Variants in CFAP74 observed in about 807,000 individuals in gnomAD.
CFAP74 encodes the protein cilia- and flagella-associated protein 74.
CFAP74 carries 124 observed loss-of-function variants against 188.9 expected under a neutral mutation model. The observed-to-expected ratio is 0.66, with a 90% confidence interval of 0.57 to 0.76. The LOEUF is 0.76. Among genes scored for constraint, CFAP74 ranks in the 30% least tolerant of loss-of-function variants. The probability of loss-of-function intolerance (pLI) is 0.00; values close to 1 mark genes in which losing one functional copy is unlikely to be tolerated. For missense variants in CFAP74, 2,198 were observed against 2,165.2 expected (o/e 1.02, Z -0.30); for synonymous variants, 956 against 916.7 (o/e 1.04, Z -0.77).
At chr1:1,944,857 C>T (rs758062174) in intron 20 of CFAP74, among the ~76,000 whole-genome samples, 37 of 152,108 alleles carry the variant, frequency 2.4e-4, no homozygotes, top group African/African-American at 4.1e-4. Context: ...CCACCCACCT[C>T]GGCCTCCCAA....
intron 9 of CFAP74, 86 bp from the exon 10 acceptor site, chr1:1,970,902 T>TGCAC (rs1655921277): frequency 6.6e-7 from 1 of 1,522,972 alleles, no homozygotes. Flanking sequence ...CACACACAGG[T>TGCAC]TCATACATGC....
At chr1:1,960,151 C>A in intron 14 of CFAP74, 121 bp from the exon 15 acceptor site, 1 of 796,870 alleles carries the variant, frequency 1.3e-6, no homozygotes, top group South Asian at 1.6e-5. Context: ...GGCCTGGCCC[C>A]CTGCCCAGCC....
chr1:1,989,535 T>C (rs1429210826), intron 2 of CFAP74, among the ~76,000 whole-genome samples: 1 of 152,158 alleles, frequency 6.6e-6, no homozygotes, highest in Non-Finnish European at 1.5e-5. Flanking sequence ...ATCTTGGCTC[T>C]CTGCCACCTT....
intron 33 of CFAP74, among the ~76,000 whole-genome samples, chr1:1,924,725 C>T (rs1032628854): frequency 1.3e-5 from 2 of 152,306 alleles, no homozygotes; most frequent in East Asian, 3.9e-4. Context: ...TTTGCTAGGC[C>T]GGGGCTCGGC....
In CFAP74 at chr1:1,955,736, C is replaced by T; in HGVS notation, c.2131G>A (p.Glu711Lys). 1 of 1,614,234 alleles carries T rather than the reference C, an allele frequency of 6.2e-7. No individual in the cohort carries two copies. Among genetic ancestry groups the T allele is most frequent in the Non-Finnish European group, 8.5e-7 (1 of 1,180,048 alleles). Residue 711 changes from glutamate to lysine, a missense_variant, in exon 18 of 39, where the codon GAG becomes AAG. Glu to Lys is a moderately conservative substitution (Grantham distance 56). Coordinates refer to ENST00000682832, the MANE Select transcript of CFAP74 (RefSeq NM_001304360.2). ...TGCTCCTTGTCCAGCTTCTCCAGCT[C>T]CTTCCGGCTCTGCATGTCCGCCTGG... The part of the protein sequence containing the change: ...SSQADMQSRK[E>K]LEKLDKEQEE...
chr1:1,931,564 G>A (rs1028546059), intron 25 of CFAP74, among the ~76,000 whole-genome samples: 12 of 132,546 alleles, frequency 9.1e-5, no homozygotes, highest in African/African-American at 3.0e-4. Context: ...GCGAAACCCC[G>A]TCGCTACTAA....
In CFAP74 at chr1:1,939,146, G is replaced by A. The variant is rs111503078; in HGVS notation, c.2878-158C>T. 2.1e-3 allele frequency among the ~76,000 whole-genome samples: 320 copies of A among 152,188 alleles called. 1 individual carries two copies. The highest frequency in any genetic ancestry group is 7.4e-3 in the African/African-American group (306 of 41,432). On this transcript the variant is annotated intron_variant, in intron 24 of 38. Transcript: ENST00000682832. ...TGTCAACGAGTGTGTGTCAGCAAGT[G>A]TGTGAGTGTGAGCACATGTGTATGA...
Position 1,973,957 on chromosome 1 carries a change from G to T in CFAP74, c.674+68C>A, listed in dbSNP as rs1057122758. On this transcript the variant is annotated intron_variant, in intron 7 of 38. Transcript: ENST00000682832. This position sits in a 1 kb window ranked among gnomAD's most constrained non-coding sequence, Gnocchi z 6.2. ...GCGAGGCTGAATCTGGAGACCCCTG[G>T]GGGAGAGGGCGGAGGGGCTGGCAGA... The T allele has an allele frequency of 1.4e-6, 2 of 1,409,012 alleles. No individual in the cohort carries two copies. 87.3% of individuals were successfully genotyped at this position (1,409,012 alleles called of 1,614,324 possible).
At chr1:1,960,536 A>C (rs1655009066) in intron 14 of CFAP74, among the ~76,000 whole-genome samples, 1 of 152,210 alleles carries the variant, frequency 6.6e-6, no homozygotes, top group African/African-American at 2.4e-5. Context: ...TGCACAGGCC[A>C]CTTGAGGGAG....
intron 16 of CFAP74, among the ~76,000 whole-genome samples, chr1:1,957,780 A>G (rs577149640): frequency 1.1e-3 from 164 of 149,216 alleles, no homozygotes; most frequent in African/African-American, 3.8e-3. Context: ...GGGGCGGGGG[A>G]CTTCCTGCTG....
intron 5 of CFAP74, among the ~76,000 whole-genome samples, chr1:1,985,964 G>A (rs984466176): frequency 6.6e-6 from 1 of 152,264 alleles, no homozygotes; most frequent in Non-Finnish European, 1.5e-5. Flanking sequence ...CCACGAGAGC[G>A]GCACAGTGTG....
At chr1:1,984,036 G>T (rs1199022184) in intron 6 of CFAP74, 1 of 150,046 alleles carries the variant, frequency 6.7e-6, no homozygotes, top group African/African-American at 2.5e-5. Context: ...CTGTCGCCCA[G>T]GCTGGAGTGT....
In CFAP74 at chr1:1,927,621, C is replaced by G; in HGVS notation, c.3513G>C (p.Arg1171=). Residue 1171 remains arginine, a synonymous_variant, in exon 28 of 39, where the codon CGG becomes CGC. Transcript: ENST00000682832. ...CCTGGACCCACCTGGGCCTCAGCTC[C>G]CGCTTCCGCATCTCCAGGACGTGGG... ...SVPHVLEMRK[R]ELRPSSDEYQ... The G allele has an allele frequency of 6.5e-7, 1 of 1,549,900 alleles. No homozygotes were observed. Among genetic ancestry groups the G allele is most frequent in the Non-Finnish European group, 8.7e-7 (1 of 1,146,748 alleles).
chr1:1,982,676 G>C (rs1344194030), intron 6 of CFAP74, among the ~76,000 whole-genome samples: 6 of 152,230 alleles, frequency 3.9e-5, no homozygotes, highest in African/African-American at 1.2e-4. Flanking sequence ...CGGGCAGTCC[G>C]GCAGCAGCCG....
chr1:1,961,972 G>A (rs908682829), intron 14 of CFAP74, among the ~76,000 whole-genome samples: 1 of 152,250 alleles, frequency 6.6e-6, no homozygotes. Context: ...TGGGAGAAGA[G>A]GAGGCCCCTC....
At chr1:1,927,371 C>A in intron 28 of CFAP74, 1 of 577,812 alleles carries the variant, frequency 1.7e-6, no homozygotes, top group Non-Finnish European at 3.1e-6. Flanking sequence ...GGGGTGGTGG[C>A]TTTGCTCCCC....
intron 20 of CFAP74, among the ~76,000 whole-genome samples, chr1:1,945,827 C>CAA (rs1161813880): frequency 4.9e-5 from 4 of 82,040 alleles, no homozygotes; most frequent in Middle Eastern, 7.6e-3. Flanking sequence ...GACCCTAACT[C>CAA]AAAAAAAAAA....
Position 1,971,119 on chromosome 1 carries a change from G to GCACAC in CFAP74, c.889-304_889-303insGTGTG, listed in dbSNP as rs1342018551. Among the ~76,000 whole-genome samples, 86 of 138,204 alleles carry GCACAC rather than the reference G, an allele frequency of 6.2e-4. 1 individual carries two copies. Among genetic ancestry groups the GCACAC allele is most frequent in the African/African-American group, 2.1e-3 (73 of 35,076 alleles). The allele number at this position is 138,204 out of a possible 152,430, so 90.7% of individuals were successfully genotyped here. On this transcript the variant is annotated intron_variant, in intron 9 of 38. Transcript: ENST00000682832. ...CACCTGCACACGTGTGCACACACAT[G>GCACAC]CTCACACGTGCACACACATGCTCGC...
In CFAP74 at chr1:1,923,316, CAGGGGCACCGGG is replaced by C. The variant is rs2102027087; in HGVS notation, c.4522+39_4522+50del. The C allele has an allele frequency of 6.5e-7, 1 of 1,528,812 alleles. No homozygotes were observed. The highest frequency in any genetic ancestry group is 2.0e-5 in the Admixed American group (1 of 49,592). 94.7% of individuals were successfully genotyped at this position (1,528,812 alleles called of 1,614,324 possible). On this transcript the variant is annotated intron_variant, in intron 36 of 38. Transcript: ENST00000682832. This position sits in a 1 kb window ranked among gnomAD's most constrained non-coding sequence, Gnocchi z 6.3. ...GGTCTCGGGGCCCCCATCCACGGGA[CAGGGGCACCGGG>C]AGGCCCCGTGTCTGTTCCCTCCCTG... is the stretch of plus-strand genomic sequence containing the variant.
Sources: gnomAD v4.1 joint callset for allele counts (sites outside exome capture counted in the v4.1 genomes callset) on GRCh38, gnomAD v4.1.1 for gene constraint, Gnocchi (gnomAD v3.1) non-coding constraint, MANE v1.5 for transcripts, NCBI Gene and HGNC (gene_info 2026-07-23, HGNC 2026-07-21) for gene names.